Variants in PKIA observed in about 807,000 individuals in gnomAD.
PKIA encodes the protein cAMP-dependent protein kinase inhibitor alpha.
Under a neutral mutation model 7.6 loss-of-function variants are expected in PKIA, and 4 were observed. That is an observed-to-expected ratio of 0.52 (90% CI 0.26 to 1.20). The LOEUF is 1.20. PKIA is among the 50% of genes most tolerant of loss of function. The probability of loss-of-function intolerance (pLI) is 0.13; values close to 1 mark genes in which losing one functional copy is unlikely to be tolerated. For missense variants in PKIA, 73 were observed against 86.2 expected (o/e 0.85, Z 0.61); for synonymous variants, 21 against 30.7 (o/e 0.68, Z 1.04).
intron 1 of PKIA, among the ~76,000 whole-genome samples, chr8:78,523,524 C>T (rs1809456553): frequency 6.6e-6 from 1 of 151,840 alleles, no homozygotes; most frequent in Non-Finnish European, 1.5e-5. Context: ...TGCTACATTC[C>T]TCACTTATAT....
intron 1 of PKIA, among the ~76,000 whole-genome samples, chr8:78,526,846 T>G (rs1394806256): frequency 6.6e-6 from 1 of 152,078 alleles, no homozygotes; most frequent in Non-Finnish European, 1.5e-5. Flanking sequence ...AAGTTGCATT[T>G]TTAATGACAT....
At chr8:78,527,778 C>A (rs1806284658) in intron 1 of PKIA, among the ~76,000 whole-genome samples, 1 of 151,902 alleles carries the variant, frequency 6.6e-6, no homozygotes, top group African/African-American at 2.4e-5. Flanking sequence ...GAAAAATGCA[C>A]CTGTTTCATT....
At chr8:78,600,702 C>T (rs1808331694) in intron 3 of PKIA, among the ~76,000 whole-genome samples, 1 of 151,998 alleles carries the variant, frequency 6.6e-6, no homozygotes, top group African/African-American at 2.4e-5. Flanking sequence ...TCTGGTCATA[C>T]CCTTGGTACT....
chr8:78,583,260 C>T (rs1272166949), intron 2 of PKIA, among the ~76,000 whole-genome samples: 1 of 152,060 alleles, frequency 6.6e-6, no homozygotes, highest in Non-Finnish European at 1.5e-5. Flanking sequence ...GTTTGAGAAC[C>T]CACATTTTGG....
intron 1 of PKIA, among the ~76,000 whole-genome samples, chr8:78,567,879 T>A (rs13255799): frequency 0.084 from 12,786 of 152,258 alleles, 625 homozygotes; most frequent in Middle Eastern, 0.17. Context: ...CATTATGAAC[T>A]CTTTCAATTG....
intron 1 of PKIA, among the ~76,000 whole-genome samples, chr8:78,530,288 G>A (rs1025662494): frequency 3.3e-5 from 5 of 151,946 alleles, no homozygotes; most frequent in African/African-American, 1.2e-4. Context: ...CTAAGTGTTA[G>A]AGCAAGAATT....
intron 2 of PKIA, among the ~76,000 whole-genome samples, chr8:78,596,781 T>C (rs920137782): frequency 5.3e-5 from 8 of 152,328 alleles, no homozygotes; most frequent in Non-Finnish European, 8.8e-5. Context: ...TGTTTTCCTC[T>C]AGAGTTTTTA....
intron 1 of PKIA, chr8:78,534,930 G>A (rs1205925035): frequency 6.6e-6 from 1 of 152,098 alleles, no homozygotes; most frequent in African/African-American, 2.4e-5. Context: ...ATTTTCTTTA[G>A]TCATTGACTT....
chr8:78,548,651 T>C (rs994299120), intron 1 of PKIA, among the ~76,000 whole-genome samples: 1 of 152,072 alleles, frequency 6.6e-6, no homozygotes, highest in Non-Finnish European at 1.5e-5. Flanking sequence ...CTGAATCGTA[T>C]AGAGATAGGA....
intron 2 of PKIA, among the ~76,000 whole-genome samples, chr8:78,577,425 A>G (rs1807699758): frequency 2.6e-5 from 4 of 151,894 alleles, no homozygotes; most frequent in Admixed American, 6.6e-5. Context: ...AAAATAATCT[A>G]TGAAACAAAT....
At chr8:78,584,177 G>T (rs1377409225) in intron 2 of PKIA, among the ~76,000 whole-genome samples, 1 of 152,052 alleles carries the variant, frequency 6.6e-6, no homozygotes, top group East Asian at 1.9e-4. Flanking sequence ...GTGTGTGTGT[G>T]TATGTGTGTG....
At chr8:78,599,775 A>G (rs1376123363) in intron 3 of PKIA, among the ~76,000 whole-genome samples, 1 of 151,956 alleles carries the variant, frequency 6.6e-6, no homozygotes, top group East Asian at 1.9e-4. Flanking sequence ...TTTATTTTTC[A>G]TACAAATATG....
At chr8:78,589,489 A>G (rs781104210) in intron 2 of PKIA, among the ~76,000 whole-genome samples, 2 of 152,166 alleles carry the variant, frequency 1.3e-5, no homozygotes, top group East Asian at 3.9e-4. Flanking sequence ...AGGGGGAAAA[A>G]GTATTTGAGT....
intron 2 of PKIA, chr8:78,591,424 A>G (rs1585926861): frequency 1.3e-5 from 2 of 152,732 alleles, no homozygotes; most frequent in Non-Finnish European, 2.9e-5. Context: ...AAAGATCAGC[A>G]CAGATCATGA....
chr8:78,522,535 GATACT>G (rs1809435717), intron 1 of PKIA, among the ~76,000 whole-genome samples: 5 of 151,830 alleles, frequency 3.3e-5, no homozygotes, highest in Non-Finnish European at 7.4e-5. Context: ...AATGAATACA[GATACT>G]ATAAGGAAAT....
intron 1 of PKIA, among the ~76,000 whole-genome samples, chr8:78,571,221 T>C (rs2118555217): frequency 6.6e-6 from 1 of 152,144 alleles, no homozygotes; most frequent in Admixed American, 6.6e-5. Flanking sequence ...GGACCTTTGA[T>C]TTGATTTAAT....
chr8:78,525,401 T>C (rs1049422770), intron 1 of PKIA, among the ~76,000 whole-genome samples: 18 of 151,916 alleles, frequency 1.2e-4, no homozygotes, highest in Admixed American at 9.2e-4. Flanking sequence ...AGTGGGCCTG[T>C]CACATCTTCA....
Position 78,524,060 on chromosome 8 carries a change from A to ATATATAAATATATATAAACG in PKIA, c.-157+7593_-157+7594insATATAAATATATATAAACGT, listed in dbSNP as rs1563565671. 6.1e-5 allele frequency among the ~76,000 whole-genome samples: 5 copies of ATATATAAATATATATAAACG among 82,146 alleles called. 2 individuals are homozygous for ATATATAAATATATATAAACG. The highest frequency in any genetic ancestry group is 2.4e-4 in the Admixed American group (2 of 8,196). The allele number at this position is 82,146 out of a possible 152,430, so 53.9% of individuals were successfully genotyped here. On this transcript the variant is annotated intron_variant, in intron 1 of 3. Coordinates refer to ENST00000396418, the MANE Select transcript of PKIA (RefSeq NM_006823.4). Reference sequence around the variant, plus strand: ...TTTATATATATAAATATATATAAACATTTATATTTATATATAAATATAAAT... The same window carrying ATATATAAATATATATAAACG: ...TTTATATATATAAATATATATAAACATATATAAATATATATAAACGTTTATATTTATATATAAATATAAAT...
At chr8:78,565,718 A>G (rs1807395742) in intron 1 of PKIA, among the ~76,000 whole-genome samples, 1 of 151,846 alleles carries the variant, frequency 6.6e-6, no homozygotes, top group South Asian at 2.1e-4. Flanking sequence ...GATTGCCAGT[A>G]TAATGTTTAT....
Sources: allele counts gnomAD v4.1 joint callset (sites outside exome capture counted in the v4.1 genomes callset), GRCh38; gene constraint gnomAD v4.1.1; transcripts MANE v1.5; gene names NCBI Gene and HGNC (gene_info 2026-07-23, HGNC 2026-07-21).